The following CASK variants were observed in gnomAD, a reference collection of about 807,000 sequenced individuals.
The protein encoded by CASK is peripheral plasma membrane protein CASK.
Under a neutral mutation model 82.9 loss-of-function variants are expected in CASK, and 4 were observed. That is an observed-to-expected ratio of 0.05 (90% CI 0.02 to 0.11). The LOEUF is 0.11. CASK is among the 10% of genes least tolerant of loss of function. CASK has a pLI of 1.00. For missense variants in CASK, 358 were observed against 720.9 expected, an observed-to-expected ratio of 0.50 and a Z score of 5.76; for synonymous variants, 259 against 253.5, an observed-to-expected ratio of 1.02 and a Z score of -0.20.
At chrX:41,756,132 T>C (rs770158412) in intron 3 of CASK, among the ~76,000 whole-genome samples, 9 of 112,097 alleles carry the variant, frequency 8.0e-5, no homozygotes, top group Non-Finnish European at 1.7e-4. Context: ...TTTCAAAATT[T>C]AGCCCCCACC....
intron 2 of CASK, among the ~76,000 whole-genome samples, chrX:41,848,798 C>A (rs2071207594): frequency 9.0e-6 from 1 of 111,543 alleles, no homozygotes; most frequent in Non-Finnish European, 1.9e-5. Flanking sequence ...TGATTGTGAA[C>A]TGTTTGTTTT....
rs774974471 is a variant in CASK, at chrX:41,560,388, C to T, written c.1669-541G>A. Among the ~76,000 whole-genome samples, 204 of 108,368 alleles carry T rather than the reference C, an allele frequency of 1.9e-3. 1 individual carries two copies. Among genetic ancestry groups the T allele is most frequent in the African/African-American group, 6.7e-3 (199 of 29,835 alleles). The allele number at this position is 108,368 out of a possible 115,157, so 94.1% of individuals were successfully genotyped here. On this transcript the variant is annotated intron_variant, in intron 17 of 26. Coordinates refer to ENST00000378163, the MANE Select transcript of CASK (RefSeq NM_001367721.1). The stretch of plus-strand genomic sequence containing the variant: ...CAGTGATTCTCCTGCCTCAGCCTCC[C>T]GGGTAGCTGGGATTATAGGCACGCG...
At chrX:41,828,811 T>C (rs757390316) in intron 2 of CASK, among the ~76,000 whole-genome samples, 38 of 112,398 alleles carry the variant, frequency 3.4e-4, no homozygotes, top group Non-Finnish European at 3.2e-4. Flanking sequence ...TCTGTCATTA[T>C]TTTTAAAGTA....
intron 5 of CASK, among the ~76,000 whole-genome samples, chrX:41,679,160 C>A (rs1158199420): frequency 9.0e-6 from 1 of 111,554 alleles, no homozygotes; most frequent in Non-Finnish European, 1.9e-5. Flanking sequence ...GTGAAATGCA[C>A]AAAAGCGTAC....
rs72190097 is a variant in CASK, at chrX:41,869,812, C to CAAAAAAAAAAAAAAA, written c.60-16600_60-16586dup. 1.7e-3 allele frequency among the ~76,000 whole-genome samples: 21 copies of CAAAAAAAAAAAAAAA among 12,116 alleles called. 1 individual carries two copies. The highest frequency in any genetic ancestry group is 0.011 in the Admixed American group (7 of 609). The allele number at this position is 12,116 out of a possible 115,157, so 10.5% of individuals were successfully genotyped here. The stretch of plus-strand genomic sequence containing the variant: ...TGGGTGATGAAGTAAGACTCTGTCT[C>CAAAAAAAAAAAAAAA]AAAAAAAAAAAAAAAAAAAAAAAAG... On this transcript the variant is annotated intron_variant, in intron 1 of 26. Coordinates refer to ENST00000378163, the MANE Select transcript of CASK (RefSeq NM_001367721.1).
intron 2 of CASK, among the ~76,000 whole-genome samples, chrX:41,830,631 T>C (rs757211752): frequency 1.0e-4 from 11 of 107,288 alleles, no homozygotes; most frequent in Admixed American, 2.0e-4. Flanking sequence ...CCATCCTGGC[T>C]AACTCGGTGA....
At chrX:41,597,310 T>C (rs768193005) in intron 12 of CASK, among the ~76,000 whole-genome samples, 1 of 112,600 alleles carries the variant, frequency 8.9e-6, no homozygotes, top group South Asian at 3.6e-4. Context: ...ACTGTAGGCA[T>C]AGGCTTGTAG....
chrX:41,600,541 G>A (rs2065879165), intron 12 of CASK, among the ~76,000 whole-genome samples: 1 of 112,245 alleles, frequency 8.9e-6, no homozygotes, highest in Non-Finnish European at 1.9e-5. Context: ...AAAAGAGAAT[G>A]GCACTCAGTG....
intron 24 of CASK, among the ~76,000 whole-genome samples, chrX:41,533,761 T>C (rs2064838715): frequency 8.9e-6 from 1 of 111,966 alleles, no homozygotes; most frequent in Admixed American, 9.5e-5. Flanking sequence ...CGGATTCAAC[T>C]GATTCTCCTG....
At chrX:41,813,004 G>A (rs2070330461) in intron 2 of CASK, among the ~76,000 whole-genome samples, 2 of 111,242 alleles carry the variant, frequency 1.8e-5, no homozygotes, top group South Asian at 7.5e-4. Flanking sequence ...ACTTCAAAGA[G>A]AATAAAATAC....
intron 2 of CASK, among the ~76,000 whole-genome samples, chrX:41,834,813 A>G (rs1439988169): frequency 1.8e-5 from 2 of 112,594 alleles, no homozygotes; most frequent in African/African-American, 3.2e-5. Context: ...GAGCAAACTT[A>G]ACAAAAGACA....
chrX:41,685,775 G>A (rs933270394), intron 5 of CASK, among the ~76,000 whole-genome samples: 1 of 111,749 alleles, frequency 8.9e-6, no homozygotes, highest in Non-Finnish European at 1.9e-5. Context: ...GAAGAACTGC[G>A]CCCGGCTTTT....
intron 2 of CASK, among the ~76,000 whole-genome samples, chrX:41,820,027 A>C (rs1389763892): frequency 8.9e-6 from 1 of 111,968 alleles, no homozygotes; most frequent in Non-Finnish European, 1.9e-5. Flanking sequence ...CTAGGGCATC[A>C]AGGTAAGAAG....
intron 2 of CASK, among the ~76,000 whole-genome samples, chrX:41,795,498 C>A (rs1367258080): frequency 9.1e-6 from 1 of 110,014 alleles, no homozygotes; most frequent in Non-Finnish European, 1.9e-5. Context: ...AAACCCTGTT[C>A]CTACAAAAAA....
chrX:41,616,436 TG>T (rs2066199022), intron 11 of CASK, among the ~76,000 whole-genome samples: 1 of 110,847 alleles, frequency 9.0e-6, no homozygotes, highest in South Asian at 3.8e-4. Flanking sequence ...GACTCAATCC[TG>T]GGTTTGTTTG....
intron 3 of CASK, among the ~76,000 whole-genome samples, chrX:41,761,969 C>T (rs989726117): frequency 8.9e-6 from 1 of 112,046 alleles, no homozygotes. Flanking sequence ...ACTTTAATAG[C>T]TAATAGCAAA....
chrX:41,883,874 C>T (rs2071996052), intron 1 of CASK, among the ~76,000 whole-genome samples: 1 of 111,534 alleles, frequency 9.0e-6, no homozygotes, highest in South Asian at 3.8e-4. Flanking sequence ...AGAAATCACC[C>T]TGTACTAGTC....
Position 41,520,354 on chromosome X carries a change from C to A in CASK, c.*66G>T. On this transcript the variant is annotated 3_prime_UTR_variant, in exon 27 of 27. Coordinates refer to ENST00000378163, the MANE Select transcript of CASK (RefSeq NM_001367721.1). ...GGACCATGACCTGCTGACACAAGGC[C>A]GATAACAAAGAGGCTTTTCCACAAA... The A allele has an allele frequency of 1.1e-6, 1 of 918,868 alleles. No individual in the cohort carries two copies. The highest frequency in any genetic ancestry group is 1.5e-6 in the Non-Finnish European group (1 of 646,534). 75.7% of individuals were successfully genotyped at this position (918,868 alleles called of 1,213,427 possible).
intron 2 of CASK, among the ~76,000 whole-genome samples, chrX:41,834,152 T>G (rs754250027): frequency 5.4e-5 from 6 of 112,123 alleles, no homozygotes; most frequent in Non-Finnish European, 1.1e-4. Context: ...TATTGGTCTT[T>G]CAGAGTCATT....
Sources: gnomAD v4.1 joint callset for allele counts (sites outside exome capture counted in the v4.1 genomes callset) on GRCh38, gnomAD v4.1.1 for gene constraint, MANE v1.5 for transcripts, NCBI Gene and HGNC (gene_info 2026-07-23, HGNC 2026-07-21) for gene names.